Variants in ZNF804A observed in about 807,000 individuals in gnomAD.
The protein encoded by ZNF804A is zinc finger protein 804A.
ZNF804A carries 2 observed loss-of-function variants against 16.5 expected under a neutral mutation model. The observed-to-expected ratio is 0.12, with a 90% CI of 0.05 to 0.38. The LOEUF is 0.38. ZNF804A is among the 10% of genes least tolerant of loss of function. ZNF804A has a pLI of 0.99. For missense variants in ZNF804A, 1,473 were observed against 1,390.7 expected (o/e 1.06, Z -0.94); for synonymous variants, 534 against 489.6 (o/e 1.09, Z -1.20).
chr2:184,788,006 A>G (rs2105777260), intron 1 of ZNF804A, among the ~76,000 whole-genome samples: 1 of 151,858 alleles, frequency 6.6e-6, no homozygotes, highest in Non-Finnish European at 1.5e-5. Context: ...TCCTTCTTGA[A>G]TTAATTTTTG....
At chr2:184,832,487 G>T (rs372763042) in intron 1 of ZNF804A, among the ~76,000 whole-genome samples, 5 of 152,070 alleles carry the variant, frequency 3.3e-5, no homozygotes, top group African/African-American at 1.2e-4. Context: ...CAAAAATGTA[G>T]ATTGTTTAAT....
At chr2:184,717,576 C>T (rs1693233897) in intron 1 of ZNF804A, among the ~76,000 whole-genome samples, 1 of 152,174 alleles carries the variant, frequency 6.6e-6, no homozygotes, top group African/African-American at 2.4e-5. Flanking sequence ...CTTTTGCCGC[C>T]ATCCATTACA....
At chr2:184,649,219 A>C (rs959753393) in intron 1 of ZNF804A, among the ~76,000 whole-genome samples, 11 of 152,136 alleles carry the variant, frequency 7.2e-5, no homozygotes, top group Non-Finnish European at 1.3e-4. Context: ...TTTTTAAAAA[A>C]ATCTTTGAAT....
At chr2:184,791,031 T>C (rs4275993) in intron 1 of ZNF804A, among the ~76,000 whole-genome samples, 1 of 152,202 alleles carries the variant, frequency 6.6e-6, no homozygotes, top group Non-Finnish European at 1.5e-5. Context: ...ATGATATATC[T>C]TTCTCTACCC....
intron 1 of ZNF804A, among the ~76,000 whole-genome samples, chr2:184,769,538 T>G (rs183108146): frequency 6.6e-6 from 1 of 152,236 alleles, no homozygotes; most frequent in East Asian, 1.9e-4. Context: ...CTGAGTCTTT[T>G]TTTATTTATA....
chr2:184,670,581 A>G (rs1363671990), intron 1 of ZNF804A, among the ~76,000 whole-genome samples: 1 of 152,102 alleles, frequency 6.6e-6, no homozygotes, highest in Non-Finnish European at 1.5e-5. Context: ...TTAAATGACT[A>G]CATATATTTT....
intron 1 of ZNF804A, among the ~76,000 whole-genome samples, chr2:184,660,283 A>G (rs2105705765): frequency 6.6e-6 from 1 of 152,328 alleles, no homozygotes; most frequent in South Asian, 2.1e-4. Context: ...ACATGTTTTT[A>G]TTTTGCCTAA....
intron 1 of ZNF804A, among the ~76,000 whole-genome samples, chr2:184,769,253 G>A (rs1444095680): frequency 2.0e-5 from 3 of 152,006 alleles, no homozygotes; most frequent in African/African-American, 7.2e-5. Context: ...TGTAAGTTAT[G>A]AATCAGGCTT....
rs1690995247 is a variant in ZNF804A at position 184,598,809 on chromosome 2, C to T, written c.-151C>T. On this transcript the variant is annotated 5_prime_UTR_variant, in exon 1 of 4. The change creates a premature stop within an existing upstream ORF in the 5' untranslated region. Transcript: ENST00000302277. ...CCTCGGCGCTCACCACAGAGGGGTG[C>T]AGTGAGCCAGTCTCCAGAGGACGTG... 4.4e-6 allele frequency: 2 copies of T among 455,022 alleles called. No individual in the cohort carries two copies. Among genetic ancestry groups the T allele is most frequent in the Non-Finnish European group, 7.6e-6 (2 of 264,418 alleles). 28.2% of individuals were successfully genotyped at this position (455,022 alleles called of 1,614,324 possible). A position where few individuals can be genotyped will look rare whatever the true frequency, so the allele number is the denominator to read the frequency against.
intron 1 of ZNF804A, among the ~76,000 whole-genome samples, chr2:184,664,535 A>C (rs1692226475): frequency 6.6e-6 from 1 of 152,192 alleles, no homozygotes; most frequent in Non-Finnish European, 1.5e-5. Context: ...TCTTTACTCA[A>C]ATTTTTCATC....
intron 2 of ZNF804A, among the ~76,000 whole-genome samples, chr2:184,885,407 A>G (rs894784567): frequency 2.0e-5 from 3 of 152,172 alleles, no homozygotes; most frequent in Non-Finnish European, 4.4e-5. Context: ...TCACAGCACT[A>G]TTCACAATAG....
chr2:184,808,789 C>T (rs924121155), intron 1 of ZNF804A, among the ~76,000 whole-genome samples: 7 of 151,456 alleles, frequency 4.6e-5, no homozygotes, highest in East Asian at 3.9e-4. Context: ...AACAAAACAA[C>T]GACTTTTAAT....
At chr2:184,753,309 C>T (rs1693903873) in intron 1 of ZNF804A, among the ~76,000 whole-genome samples, 1 of 151,692 alleles carries the variant, frequency 6.6e-6, no homozygotes, top group South Asian at 2.1e-4. Flanking sequence ...GAGGGTTCCT[C>T]CTTCCATGTT....
intron 1 of ZNF804A, among the ~76,000 whole-genome samples, chr2:184,737,019 C>A (rs1188327211): frequency 6.6e-6 from 1 of 151,112 alleles, no homozygotes; most frequent in East Asian, 1.9e-4. Flanking sequence ...TTACTTATAT[C>A]AAATTTTAAA....
At chr2:184,635,639 T>C (rs1366216575) in intron 1 of ZNF804A, among the ~76,000 whole-genome samples, 1 of 152,150 alleles carries the variant, frequency 6.6e-6, no homozygotes, top group Non-Finnish European at 1.5e-5. Flanking sequence ...GTTTTTGAAA[T>C]ATAACTCAGT....
intron 1 of ZNF804A, among the ~76,000 whole-genome samples, chr2:184,736,464 G>A (rs1388802500): frequency 1.3e-5 from 2 of 152,130 alleles, no homozygotes; most frequent in East Asian, 3.8e-4. Context: ...CGTGGATGAA[G>A]CTGGAAATCA....
chr2:184,624,214 C>T (rs1414691147), intron 1 of ZNF804A, among the ~76,000 whole-genome samples: 4 of 152,014 alleles, frequency 2.6e-5, no homozygotes, highest in African/African-American at 9.7e-5. Context: ...GGTGATACAA[C>T]TATGTGTATG....
chr2:184,854,314 G>T (rs554743377), intron 1 of ZNF804A, among the ~76,000 whole-genome samples: 31 of 151,998 alleles, frequency 2.0e-4, no homozygotes, highest in Middle Eastern at 3.4e-3. Flanking sequence ...AAAACATCCA[G>T]CTTCTTGCAG....
chr2:184,645,235 A>C (rs1691852816), intron 1 of ZNF804A, among the ~76,000 whole-genome samples: 1 of 152,144 alleles, frequency 6.6e-6, no homozygotes, highest in Admixed American at 6.5e-5. Context: ...TTCATATGTT[A>C]TTATGGTAAT....
Sources: gnomAD v4.1 joint callset for allele counts (sites outside exome capture counted in the v4.1 genomes callset) on GRCh38, gnomAD v4.1.1 for gene constraint, MANE v1.5 for transcripts, NCBI Gene and HGNC (gene_info 2026-07-23, HGNC 2026-07-21) for gene names.